The following NCOA1 variants were observed in gnomAD, a reference collection of about 807,000 sequenced individuals.
NCOA1 encodes nuclear receptor coactivator 1, also known as Hin-2 protein.
Under a neutral mutation model 150.9 loss-of-function variants are expected in NCOA1, and 35 were observed. The ratio of observed to expected loss-of-function variants is 0.23; its 90% CI spans 0.18 to 0.31. NCOA1 has a LOEUF of 0.31. Ranked by LOEUF, NCOA1 falls within the 10% of genes least tolerant of loss-of-function variation. The pLI is 1.00. For synonymous variants in NCOA1, 590 were observed against 630.0 expected (o/e 0.94, Z 0.95); for missense variants, 1,491 against 1,749.3 (o/e 0.85, Z 2.63).
At chr2:24,520,134 G>A (rs905479553) in intron 1 of NCOA1, among the ~76,000 whole-genome samples, 3 of 152,106 alleles carry the variant, frequency 2.0e-5, no homozygotes, top group Non-Finnish European at 4.4e-5. Context: ...CAACTGGAAC[G>A]CTCACATTAT....
At chr2:24,637,121 G>T (rs1669973375) in intron 3 of NCOA1, among the ~76,000 whole-genome samples, 2 of 150,126 alleles carry the variant, frequency 1.3e-5, no homozygotes, top group South Asian at 4.2e-4. Flanking sequence ...TAGGGTACAT[G>T]TGCACAATGT....
At chr2:24,610,124 CTTTTTTTTTT>C (rs775178797) in intron 3 of NCOA1, among the ~76,000 whole-genome samples, 19 of 90,202 alleles carry the variant, frequency 2.1e-4, no homozygotes, top group African/African-American at 6.8e-4. Context: ...AGGCTGCATT[CTTTTTTTTTT>C]TTTTTTTTTT....
At chr2:24,534,274 G>A (rs552173758) in intron 1 of NCOA1, among the ~76,000 whole-genome samples, 7 of 152,198 alleles carry the variant, frequency 4.6e-5, no homozygotes, top group African/African-American at 1.4e-4. Context: ...GTATTTCTGT[G>A]GGATCGGTGG....
chr2:24,637,083 T>TTTA (rs575027162), intron 3 of NCOA1, among the ~76,000 whole-genome samples: 21 of 151,518 alleles, frequency 1.4e-4, no homozygotes, highest in African/African-American at 4.4e-4. Flanking sequence ...AAATCTTTTT[T>TTTA]TTATTATTAT....
chr2:24,599,282 T>A (rs1668008642), intron 3 of NCOA1, among the ~76,000 whole-genome samples: 1 of 152,204 alleles, frequency 6.6e-6, no homozygotes, highest in African/African-American at 2.4e-5. Flanking sequence ...TACTGGACAT[T>A]CTGAGACACA....
At chr2:24,696,637 C>T (rs1238530575) in intron 10 of NCOA1, among the ~76,000 whole-genome samples, 2 of 152,144 alleles carry the variant, frequency 1.3e-5, no homozygotes, top group Admixed American at 1.3e-4. Flanking sequence ...TCTGTTCCTA[C>T]ATATATACAC....
Position 24,707,465 on chromosome 2 carries a change from C to A in NCOA1, c.1995C>A (p.Asn665Lys), listed in dbSNP as rs1196633564. The A allele has an allele frequency of 6.2e-7, 1 of 1,614,216 alleles. No individual in the cohort carries two copies. Among genetic ancestry groups the A allele is most frequent in the Non-Finnish European group, 8.5e-7 (1 of 1,180,036 alleles). ...TCCTGTCTTGCACAGGCACTTCCAA[C>A]TCTGCCTCTGCTAACTCTTCAGGAG... ...KDVLSCTGTS[N>K]SASANSSGGS... Residue 665 changes from asparagine (N) to lysine (K), a missense_variant, in exon 13 of 23, where the codon AAC (asparagine) becomes AAA (lysine). Physicochemically the swap from Asn to Lys is moderately conservative, Grantham distance 94. Coordinates refer to ENST00000348332, the MANE Select transcript of NCOA1 (RefSeq NM_003743.5).
intron 3 of NCOA1, among the ~76,000 whole-genome samples, chr2:24,615,653 C>T (rs1038276568): frequency 5.3e-5 from 8 of 152,116 alleles, no homozygotes; most frequent in South Asian, 2.1e-4. Context: ...GGAGATAAAA[C>T]GGTGAGTGAG....
chr2:24,528,248 G>A (rs1192320907), intron 1 of NCOA1, among the ~76,000 whole-genome samples: 1 of 151,794 alleles, frequency 6.6e-6, no homozygotes, highest in Non-Finnish European at 1.5e-5. Flanking sequence ...CCACTGTCAA[G>A]AAACTTTCCC....
intron 1 of NCOA1, among the ~76,000 whole-genome samples, chr2:24,494,227 A>G (rs13011444): frequency 1.3e-5 from 2 of 152,170 alleles, no homozygotes; most frequent in African/African-American, 2.4e-5. Flanking sequence ...TCTTTTCCCC[A>G]ATTCTGTATA....
At position 24,688,228 on chromosome 2, in the gene NCOA1, T is replaced by C. The variant is rs56036715; in HGVS notation, c.533-3253T>C. On this transcript the variant is annotated intron_variant, in intron 8 of 22. Coordinates refer to ENST00000348332, the MANE Select transcript of NCOA1 (RefSeq NM_003743.5). ...GGCAATGAACATACACTTGCATCTG[T>C]CTTTATGGTGGAATGATTTATATTC... is the stretch of plus-strand genomic sequence containing the variant. 1.0e-3 allele frequency among the ~76,000 whole-genome samples: 156 copies of C among 152,298 alleles called. 1 individual carries two copies. Among genetic ancestry groups the C allele is most frequent in the African/African-American group, 3.6e-3 (148 of 41,564 alleles).
intron 7 of NCOA1, among the ~76,000 whole-genome samples, chr2:24,675,973 T>A (rs994431637): frequency 2.6e-5 from 4 of 152,212 alleles, no homozygotes; most frequent in African/African-American, 9.6e-5. Context: ...GGTCTATCCT[T>A]AGCCCAGATC....
chr2:24,625,683 G>A (rs1237749077), intron 3 of NCOA1, among the ~76,000 whole-genome samples: 3 of 150,644 alleles, frequency 2.0e-5, no homozygotes, highest in African/African-American at 7.3e-5. Flanking sequence ...CTCTCCAGAT[G>A]TTTGTATGTA....
chr2:24,540,007 G>A (rs1665322939), intron 1 of NCOA1, among the ~76,000 whole-genome samples: 1 of 152,182 alleles, frequency 6.6e-6, no homozygotes, highest in Admixed American at 6.5e-5. Flanking sequence ...CTATATTCAT[G>A]TCTAGAAGAC....
chr2:24,642,037 T>TGTGTGTGTGTGC (rs942145000), intron 3 of NCOA1, among the ~76,000 whole-genome samples: 675 of 138,534 alleles, frequency 4.9e-3, no homozygotes, highest in African/African-American at 0.012. Flanking sequence ...TGTGTGTGTG[T>TGTGTGTGTGTGC]GCGCGCGTGC....
At chr2:24,744,193 T>C (rs1663765710) in intron 19 of NCOA1, among the ~76,000 whole-genome samples, 1 of 152,208 alleles carries the variant, frequency 6.6e-6, no homozygotes, top group African/African-American at 2.4e-5. Context: ...CCACCTATCA[T>C]GAGTATCTGG....
chr2:24,517,358 A>C (rs1017068758), intron 1 of NCOA1, among the ~76,000 whole-genome samples: 2 of 151,724 alleles, frequency 1.3e-5, no homozygotes, highest in Admixed American at 6.6e-5. Context: ...TCCAAGACCC[A>C]GTGTGTACCG....
intron 17 of NCOA1, among the ~76,000 whole-genome samples, chr2:24,732,948 G>A (rs986280927): frequency 2.6e-5 from 4 of 151,934 alleles, no homozygotes; most frequent in Admixed American, 1.3e-4. Flanking sequence ...AAAGTAAAAA[G>A]GGGGAAAAAA....
chr2:24,642,036 G>A (rs1189553164), intron 3 of NCOA1, among the ~76,000 whole-genome samples: 2 of 144,476 alleles, frequency 1.4e-5, no homozygotes, highest in Non-Finnish European at 1.5e-5. Flanking sequence ...GTGTGTGTGT[G>A]TGCGCGCGTG....
Sources: gnomAD v4.1 joint callset for allele counts (sites outside exome capture counted in the v4.1 genomes callset) on GRCh38, gnomAD v4.1.1 for gene constraint, MANE v1.5 for transcripts, NCBI Gene and HGNC (gene_info 2026-07-23, HGNC 2026-07-21) for gene names.